NBPF11: variants seen among roughly 807,000 people sequenced by gnomAD.
NBPF11 encodes the protein NBPF family member NBPF11.
Under a neutral mutation model 93.9 loss-of-function variants are expected in NBPF11, and 72 were observed. The observed-to-expected ratio is 0.77, with a 90% CI of 0.63 to 0.93. The LOEUF (loss-of-function observed/expected upper bound fraction) is 0.93. NBPF11 is among the 40% of genes least tolerant of loss of function. NBPF11 has a pLI of 0.00. For synonymous variants in NBPF11, 224 were observed against 304.9 expected (o/e 0.73, Z 2.76); for missense variants, 705 against 802.2 (o/e 0.88, Z 1.46).
intron 2 of NBPF11, among the ~76,000 whole-genome samples, chr1:148,142,091 C>T (rs1176757438): frequency 5.3e-4 from 59 of 110,444 alleles, no homozygotes; most frequent in African/African-American, 2.3e-3. Flanking sequence ...GGAGGGAAGG[C>T]AGAAGGGAAG....
At chr1:148,108,438 G>T (rs782816417) in intron 18 of NBPF11, 44 bp downstream of exon 18, 2 of 1,313,054 alleles carry the variant, frequency 1.5e-6, no homozygotes, top group South Asian at 2.3e-5. Context: ...ACCCTAAACA[G>T]AAGACTCAGT....
intron 1 of NBPF11, among the ~76,000 whole-genome samples, chr1:148,150,473 A>G (rs1464060763): frequency 4.6e-5 from 7 of 151,202 alleles, no homozygotes; most frequent in African/African-American, 1.7e-4. Flanking sequence ...TCTTTGACAC[A>G]AAGTTCTCAG....
intron 1 of NBPF11, chr1:148,146,300 C>G: frequency 7.4e-7 from 1 of 1,349,554 alleles, no homozygotes; most frequent in South Asian, 1.7e-5. Flanking sequence ...CCCCTGCCCG[C>G]GACTCGGAGC....
intron 15 of NBPF11, among the ~76,000 whole-genome samples, chr1:148,112,693 GGT>G (rs1665577139): frequency 4.9e-4 from 71 of 143,816 alleles, no homozygotes; most frequent in Admixed American, 4.3e-3. Context: ...TGGGTCAAAT[GGT>G]ATTTCTAGTT....
At chr1:148,122,327 G>A in intron 8 of NBPF11, 61 bp from the exon 9 acceptor site, 1 of 1,610,266 alleles carries the variant, frequency 6.2e-7, no homozygotes, top group Non-Finnish European at 8.5e-7. Flanking sequence ...TGGACCCCAA[G>A]GAGTCCTAGC....
At position 148,103,638 on chromosome 1, in the gene NBPF11, G is replaced by T. The variant is rs1353838948; in HGVS notation, c.*258C>A. On this transcript the variant is annotated 3_prime_UTR_variant, in exon 24 of 24. Coordinates refer to ENST00000682118, the MANE Select transcript of NBPF11 (RefSeq NM_001385469.3). ...AGGTGCCTATAGGTCCTGCCTGCAGGAATGACACCTCTCGGCTTAGTAAGG... is the reference window on the plus strand; with the variant it reads ...AGGTGCCTATAGGTCCTGCCTGCAGTAATGACACCTCTCGGCTTAGTAAGG... The T allele has an allele frequency of 6.2e-7, 1 of 1,610,990 alleles. No homozygotes were observed. Among genetic ancestry groups the T allele is most frequent in the East Asian group, 2.2e-5 (1 of 44,878 alleles).
In NBPF11 at chr1:148,103,825, A is replaced by C. The variant is rs1662852020; in HGVS notation, c.*71T>G. ...AGTGCTGGAATGAGTCAGGTAGTTC[A>C]AAGTACATTGATGGAGTCGAATAAT... is the stretch of plus-strand genomic sequence containing the variant. On this transcript the variant is annotated 3_prime_UTR_variant, in exon 24 of 24. Coordinates refer to ENST00000682118, the MANE Select transcript of NBPF11 (RefSeq NM_001385469.3). 4 of 1,611,596 alleles carry C rather than the reference A, an allele frequency of 2.5e-6. No homozygotes were observed. Among genetic ancestry groups the C allele is most frequent in the South Asian group, 2.2e-5 (2 of 90,992 alleles).
At chr1:148,129,035 T>A (rs2896837) in intron 4 of NBPF11, among the ~76,000 whole-genome samples, 1 of 148,322 alleles carries the variant, frequency 6.7e-6, no homozygotes, top group African/African-American at 2.5e-5. Flanking sequence ...CATTAGGATA[T>A]ATACCTGGTG....
intron 20 of NBPF11, among the ~76,000 whole-genome samples, 195 bp downstream of exon 20, chr1:148,106,747 G>C (rs1275702065): frequency 3.4e-5 from 5 of 148,634 alleles, no homozygotes; most frequent in African/African-American, 5.1e-5. Flanking sequence ...ACTAGGAATA[G>C]AGCCTTGCTC....
At chr1:148,150,990 G>A (rs1202742146) in intron 1 of NBPF11, among the ~76,000 whole-genome samples, 10 of 151,892 alleles carry the variant, frequency 6.6e-5, no homozygotes, top group Non-Finnish European at 1.5e-4. Flanking sequence ...GCCTCTTAAA[G>A]TGCTTCTTTT....
At position 148,103,868 on chromosome 1, in the gene NBPF11, T is replaced by G; in HGVS notation, c.*28A>C. On this transcript the variant is annotated 3_prime_UTR_variant, in exon 24 of 24. Coordinates refer to ENST00000682118, the MANE Select transcript of NBPF11 (RefSeq NM_001385469.3). ...CGAATAATATCTATCCAGTGAGTCCTGTAAGACTTCAGGCACTTCCACTTC... is the reference window on the plus strand; with the variant it reads ...CGAATAATATCTATCCAGTGAGTCCGGTAAGACTTCAGGCACTTCCACTTC... The G allele has an allele frequency of 6.2e-7, 1 of 1,611,338 alleles. No individual in the cohort carries two copies. The highest frequency in any genetic ancestry group is 8.5e-7 in the Non-Finnish European group (1 of 1,179,380).
rs1667600723 is a variant in NBPF11, at chr1:148,120,622, T to C, written c.867A>G (p.Leu289=). 3 of 1,528,884 alleles carry C rather than the reference T, an allele frequency of 2.0e-6. No individual in the cohort carries two copies. The highest frequency in any genetic ancestry group is 4.5e-5 in the East Asian group (2 of 44,198). The allele number at this position is 1,528,884 out of a possible 1,614,324, so 94.7% of individuals were successfully genotyped here. Residue 289 remains leucine, a synonymous_variant, in exon 10 of 24, where the codon CTA becomes CTG. Transcript: ENST00000682118. ...GGGGGCACAATTTCTCATTGATTTC[T>C]AGAATGTTCATCTCTGCCTTCTCGC... is the stretch of plus-strand genomic sequence containing the variant. ...LSSEKAEMNI[L]EINEKLCPQL... is the part of the protein sequence containing the mutation.
Position 148,124,979 on chromosome 1 carries a change from G to A in NBPF11, c.198C>T (p.Leu66=), listed in dbSNP as rs1668761864. Residue 66 remains leucine, a synonymous_variant, in exon 6 of 24, where the codon CTC becomes CTT. Coordinates refer to ENST00000682118, the MANE Select transcript of NBPF11 (RefSeq NM_001385469.3). ...GCTCATTCCTCAGCATAAATTTTAT[G>A]AGGTCTTTACACTCTTCATACTCTG... ...KKYKYEECKD[L]IKFMLRNERQ... 1 of 1,603,450 alleles carries A rather than the reference G, an allele frequency of 6.2e-7. No individual in the cohort carries two copies.
In NBPF11 at chr1:148,116,555, C is replaced by T. The variant is rs2149213527; in HGVS notation, c.1307-20G>A. On this transcript the variant is annotated intron_variant, in intron 12 of 23. Coordinates refer to ENST00000682118, the MANE Select transcript of NBPF11 (RefSeq NM_001385469.3). ...CATTTTCTGTAAATACAGAAGTGTTCATTCAGATATTTCCCACTTCACAGT... is the reference window on the plus strand; with the variant it reads ...CATTTTCTGTAAATACAGAAGTGTTTATTCAGATATTTCCCACTTCACAGT... The T allele has an allele frequency of 1.5e-6, 1 of 662,670 alleles. No homozygotes were observed. The highest frequency in any genetic ancestry group is 2.7e-5 in the East Asian group (1 of 37,696). 41.0% of individuals were successfully genotyped at this position (662,670 alleles called of 1,614,324 possible).
In NBPF11 at chr1:148,143,453, T is replaced by A. The variant is rs1386054684; in HGVS notation, c.-315A>T. ...CAGCTCTTCATGTCGGCCCACACCA[T>A]GTGAAGCTGCTCTTGGTGCACTGAA... On this transcript the variant is annotated 5_prime_UTR_variant, in exon 2 of 24. It removes an upstream start codon present in the reference 5' UTR. Transcript: ENST00000682118. The A allele has an allele frequency of 4.4e-3, 4,161 of 955,278 alleles. 54 individuals carry two copies. The highest frequency in any genetic ancestry group is 5.1e-3 in the Non-Finnish European group (3,730 of 737,722). 59.2% of individuals were successfully genotyped at this position (955,278 alleles called of 1,614,324 possible).
intron 1 of NBPF11, among the ~76,000 whole-genome samples, chr1:148,151,157 A>C (rs1186167787): frequency 6.6e-6 from 1 of 151,892 alleles, no homozygotes; most frequent in Non-Finnish European, 1.5e-5. Flanking sequence ...TTTGGACTGC[A>C]AACACCAACA....
chr1:148,149,402 G>A (rs1647672194), intron 1 of NBPF11: 10 of 1,581,554 alleles, frequency 6.3e-6, no homozygotes, highest in Non-Finnish European at 8.5e-6. Flanking sequence ...GGAGGACGAG[G>A]TGATCGACTT....
At chr1:148,130,825 G>A (rs1452412153) in intron 4 of NBPF11, among the ~76,000 whole-genome samples, 11 of 151,762 alleles carry the variant, frequency 7.2e-5, no homozygotes, top group Non-Finnish European at 1.0e-4. Context: ...CAGCCCCAAG[G>A]AGCCACTGTC....
chr1:148,108,264 C>T (rs1334611063), intron 18 of NBPF11, among the ~76,000 whole-genome samples: 3 of 151,796 alleles, frequency 2.0e-5, no homozygotes, highest in Non-Finnish European at 4.4e-5. Flanking sequence ...TAGGGTGCCA[C>T]AGGCATGGCC....
Sources: gnomAD v4.1 joint callset for allele counts (sites outside exome capture counted in the v4.1 genomes callset) on GRCh38, gnomAD v4.1.1 for gene constraint, MANE v1.5 for transcripts, NCBI Gene and HGNC (gene_info 2026-07-23, HGNC 2026-07-21) for gene names.